The following RIMS4 variants were observed in gnomAD, a reference collection of about 807,000 sequenced individuals.
RIMS4 encodes regulating synaptic membrane exocytosis 4.
RIMS4 carries 9 observed loss-of-function variants against 29.0 expected under a neutral mutation model. The observed-to-expected ratio is 0.31, with a 90% CI of 0.19 to 0.54. The LOEUF (loss-of-function observed/expected upper bound fraction) is 0.54, where lower values mean the gene tolerates loss of function less well. Among genes scored for constraint, RIMS4 ranks in the 20% least tolerant of loss-of-function variants. The pLI is 0.94. For synonymous variants in RIMS4, 130 were observed against 152.9 expected, an observed-to-expected ratio of 0.85 and a Z score of 1.10; for missense variants, 193 against 365.7, an observed-to-expected ratio of 0.53 and a Z score of 3.85.
rs6130695 is a variant in RIMS4, at chr20:44,789,531, C to T, written c.98-18118G>A. Among the ~76,000 whole-genome samples, 9 of 152,238 alleles carry T rather than the reference C, an allele frequency of 5.9e-5. No individual in the cohort carries two copies. In the East Asian group the frequency reaches 1.2e-3, roughly 20 times the overall value. ...CAGGATGGTCTCAATCTCCTGGCCT[C>T]GTGATCCGCCCGTCATCACAATATG... On this transcript the variant is annotated intron_variant, in intron 1 of 5. Coordinates refer to ENST00000372851, the MANE Select transcript of RIMS4 (RefSeq NM_182970.4).
chr20:44,785,059 C>A (rs1186619316), intron 1 of RIMS4, among the ~76,000 whole-genome samples: 1 of 152,164 alleles, frequency 6.6e-6, no homozygotes, highest in Non-Finnish European at 1.5e-5. Flanking sequence ...AAGATTCTAG[C>A]CCATTCCATT....
intron 2 of RIMS4, among the ~76,000 whole-genome samples, chr20:44,763,773 G>GT (rs2066096166): frequency 6.6e-6 from 1 of 152,222 alleles, no homozygotes; most frequent in Non-Finnish European, 1.5e-5. Flanking sequence ...GGTGAAAGAA[G>GT]TAACTGGCTC....
At chr20:44,757,894 G>T in intron 3 of RIMS4, 123 bp from the exon 4 acceptor site, 1 of 1,011,228 alleles carries the variant, frequency 9.9e-7, no homozygotes, top group Non-Finnish European at 1.5e-6. Context: ...AATAAGACCA[G>T]AACCAACTCC....
intron 2 of RIMS4, among the ~76,000 whole-genome samples, chr20:44,768,469 CCCTTCCTGTTTCAGAGCCCGGCATTTGGG>C (rs1298932625): frequency 2.0e-5 from 3 of 152,222 alleles, no homozygotes; most frequent in Admixed American, 6.5e-5. Flanking sequence ...GGAGAACAGT[CCCTTCCTGTTTCAGAGCCCGGCATTTGGG>C]CCAAACCAGT....
At chr20:44,798,853 G>T (rs2066265912) in intron 1 of RIMS4, among the ~76,000 whole-genome samples, 2 of 152,190 alleles carry the variant, frequency 1.3e-5, no homozygotes, top group African/African-American at 4.8e-5. Flanking sequence ...TCTCTTGCAG[G>T]TTTCACCTGC....
At chr20:44,775,952 A>C (rs2066158467) in intron 1 of RIMS4, among the ~76,000 whole-genome samples, 1 of 152,174 alleles carries the variant, frequency 6.6e-6, no homozygotes, top group African/African-American at 2.4e-5. Flanking sequence ...CAAATTCATA[A>C]ATAAATCACA....
At chr20:44,759,230 G>GT (rs927983197) in intron 2 of RIMS4, among the ~76,000 whole-genome samples, 5 of 151,600 alleles carry the variant, frequency 3.3e-5, no homozygotes, top group African/African-American at 9.7e-5. Context: ...ACCACAGGAG[G>GT]TTTTTTTTGT....
At chr20:44,794,967 G>A (rs929787949) in intron 1 of RIMS4, among the ~76,000 whole-genome samples, 12 of 152,280 alleles carry the variant, frequency 7.9e-5, no homozygotes, top group African/African-American at 2.6e-4. Context: ...AAACCCAAGA[G>A]GGGTTCCAAC....
chr20:44,809,433 G>T (rs2066313142), intron 1 of RIMS4, among the ~76,000 whole-genome samples: 1 of 152,064 alleles, frequency 6.6e-6, no homozygotes, highest in African/African-American at 2.4e-5. Flanking sequence ...GGTTCAAGCC[G>T]CTGGCTGGTG....
At chr20:44,785,188 G>A (rs1465236728) in intron 1 of RIMS4, among the ~76,000 whole-genome samples, 1 of 151,318 alleles carries the variant, frequency 6.6e-6, no homozygotes, top group Admixed American at 6.6e-5. Context: ...GTTGCATAAA[G>A]TTTGGGAGCC....
chr20:44,756,149 G>T lies in RIMS4; in HGVS notation c.795C>A (p.Cys265Ter). 1 of 1,608,172 alleles carries T rather than the reference G, an allele frequency of 6.2e-7. No individual in the cohort carries two copies. Among genetic ancestry groups the T allele is most frequent in the Non-Finnish European group, 8.5e-7 (1 of 1,176,762 alleles). ...CATTCCAGCACTAAGATCGTTCTCC[G>T]CAGGGCCCCACGGTGCTCTCGAGGG... ...QLSLESTVGPCGERS is the reference protein window; with the variant it reads ...QLSLESTVGP Residue 265 changes from cysteine to a stop codon, truncating the protein, a stop_gained, in exon 6 of 6, where the codon TGC becomes TGA. Coordinates refer to ENST00000372851, the MANE Select transcript of RIMS4 (RefSeq NM_182970.4). LOFTEE classifies it high-confidence loss of function. This position sits in a 1 kb window ranked among gnomAD's most constrained non-coding sequence, Gnocchi z 5.9.
chr20:44,810,160 G>T lies in RIMS4; in HGVS notation c.97+15C>A. The T allele has an allele frequency of 1.3e-6, 2 of 1,557,822 alleles. No homozygotes were observed. The highest frequency in any genetic ancestry group is 2.4e-5 in the East Asian group (1 of 42,382). On this transcript the variant is annotated intron_variant, in intron 1 of 5. Transcript: ENST00000372851. ...GGGACACCCCGGGGGTCTGGGGGGC[G>T]GGCCGCGCGCTTACCTGCGTCCTCG...
chr20:44,808,084 A>G (rs73123580), intron 1 of RIMS4, among the ~76,000 whole-genome samples: 52,759 of 144,466 alleles, frequency 0.37, 10,084 homozygotes, highest in Non-Finnish European at 0.46. Flanking sequence ...GTGTGTGTGT[A>G]TATATATATA....
chr20:44,793,856 G>A (rs1286635596), intron 1 of RIMS4, among the ~76,000 whole-genome samples: 1 of 152,170 alleles, frequency 6.6e-6, no homozygotes, highest in East Asian at 1.9e-4. Context: ...GATTGCTTCA[G>A]CCCAAGAGTT....
chr20:44,762,661 G>A (rs764113899), intron 2 of RIMS4, among the ~76,000 whole-genome samples: 1 of 152,194 alleles, frequency 6.6e-6, no homozygotes, highest in Non-Finnish European at 1.5e-5. Flanking sequence ...CCTATCCCAG[G>A]GAGCCTTGCT....
At chr20:44,762,791 T>C (rs970156581) in intron 2 of RIMS4, among the ~76,000 whole-genome samples, 4 of 152,292 alleles carry the variant, frequency 2.6e-5, no homozygotes, top group African/African-American at 7.2e-5. Flanking sequence ...GAAATCCAAC[T>C]GCGGGTCTTC....
intron 2 of RIMS4, among the ~76,000 whole-genome samples, chr20:44,766,842 G>A (rs1297551131): frequency 6.6e-6 from 1 of 152,140 alleles, no homozygotes; most frequent in East Asian, 1.9e-4. Flanking sequence ...CCTTTGCCCA[G>A]GCTTCTCTGG....
At chr20:44,761,841 T>A (rs1267744985) in intron 2 of RIMS4, among the ~76,000 whole-genome samples, 1 of 152,186 alleles carries the variant, frequency 6.6e-6, no homozygotes, top group Non-Finnish European at 1.5e-5. Flanking sequence ...GCAACAATGG[T>A]TTTTTTATAG....
chr20:44,765,717 C>CA (rs1219553625), intron 2 of RIMS4, among the ~76,000 whole-genome samples: 1 of 152,162 alleles, frequency 6.6e-6, no homozygotes, highest in African/African-American at 2.4e-5. Flanking sequence ...GTGGCCCTGC[C>CA]ACTGCCTTAC....
Sources: gnomAD v4.1 joint callset for allele counts (sites outside exome capture counted in the v4.1 genomes callset) on GRCh38, gnomAD v4.1.1 for gene constraint, Gnocchi (gnomAD v3.1) non-coding constraint, MANE v1.5 for transcripts, NCBI Gene and HGNC (gene_info 2026-07-23, HGNC 2026-07-21) for gene names.